Variants in METTL16 observed in about 807,000 individuals in gnomAD.
METTL16 encodes methyltransferase 16, RNA N6-adenosine, also known as RNA N(6)-adenosine-methyltransferase METTL16.
Under a neutral mutation model 57.9 loss-of-function variants are expected in METTL16, and 19 were observed. That is an observed-to-expected ratio of 0.33 (90% CI 0.23 to 0.48). The LOEUF (loss-of-function observed/expected upper bound fraction) is 0.48, where lower values mean the gene tolerates loss of function less well. Ranked by LOEUF, METTL16 falls within the 20% of genes least tolerant of loss-of-function variation. METTL16 has a pLI of 0.99. For missense variants in METTL16, 434 were observed against 691.5 expected (o/e 0.63, Z 4.18); for synonymous variants, 246 against 255.6 (o/e 0.96, Z 0.36).
intron 1 of METTL16, among the ~76,000 whole-genome samples, chr17:2,508,280 A>G (rs1029437500): frequency 1.1e-4 from 17 of 152,246 alleles, no homozygotes; most frequent in Admixed American, 6.5e-4. Context: ...TGGAAATTAA[A>G]CCAATTTCAG....
At chr17:2,471,514 G>T (rs759483142) in intron 4 of METTL16, among the ~76,000 whole-genome samples, 1 of 152,148 alleles carries the variant, frequency 6.6e-6, no homozygotes, top group East Asian at 1.9e-4. Context: ...CAATGGCCAG[G>T]TGCAGTGGCT....
chr17:2,488,817 T>G (rs1470651489), intron 2 of METTL16, among the ~76,000 whole-genome samples: 1 of 152,208 alleles, frequency 6.6e-6, no homozygotes, highest in Admixed American at 6.5e-5. Context: ...CATTCTACGT[T>G]GCGTTTCTCA....
intron 1 of METTL16, among the ~76,000 whole-genome samples, chr17:2,504,857 C>G (rs2067518548): frequency 6.6e-6 from 1 of 152,198 alleles, no homozygotes; most frequent in Non-Finnish European, 1.5e-5. Flanking sequence ...CAGACATGAA[C>G]CATCACACCC....
At chr17:2,451,842 C>A (rs916780126) in intron 6 of METTL16, among the ~76,000 whole-genome samples, 1 of 151,884 alleles carries the variant, frequency 6.6e-6, no homozygotes, top group Non-Finnish European at 1.5e-5. Flanking sequence ...AGAAGCGGCA[C>A]AGAACAACAA....
At chr17:2,505,588 G>C (rs999299589) in intron 1 of METTL16, among the ~76,000 whole-genome samples, 1 of 151,562 alleles carries the variant, frequency 6.6e-6, no homozygotes, top group Non-Finnish European at 1.5e-5. Context: ...TTTCCTTAGA[G>C]ACTACATTGC....
chr17:2,464,539 C>G (rs2067176557), intron 5 of METTL16, among the ~76,000 whole-genome samples, 189 bp from the exon 6 acceptor site: 1 of 152,176 alleles, frequency 6.6e-6, no homozygotes, highest in African/African-American at 2.4e-5. Flanking sequence ...GCAACTATTT[C>G]TTCCCAGGTC....
At position 2,505,395 on chromosome 17, in the gene METTL16, A is replaced by AT. The variant is rs564797281; in HGVS notation, c.1-3065dup. Among the ~76,000 whole-genome samples, 16 of 50,590 alleles carry AT rather than the reference A, an allele frequency of 3.2e-4. 2 individuals carry two copies. Among genetic ancestry groups the AT allele is most frequent in the East Asian group, 1.5e-3 (3 of 1,978 alleles). The allele number at this position is 50,590 out of a possible 152,430, so 33.2% of individuals were successfully genotyped here. A position where few individuals can be genotyped will look rare whatever the true frequency, so the allele number is the denominator to read the frequency against. On this transcript the variant is annotated intron_variant, in intron 1 of 9. Coordinates refer to ENST00000263092, the MANE Select transcript of METTL16 (RefSeq NM_024086.4). ...CCCCAACAATGTCAAGCCCAGAGGC[A>AT]TTTTTTTTTTTTTTTTTTTTTTTTT...
chr17:2,462,031 A>C (rs1471189876), intron 6 of METTL16, among the ~76,000 whole-genome samples: 2 of 152,216 alleles, frequency 1.3e-5, no homozygotes, highest in Non-Finnish European at 2.9e-5. Context: ...TCTCCAGGAG[A>C]TATTTATATA....
At chr17:2,472,413 A>G (rs2067241329) in intron 4 of METTL16, among the ~76,000 whole-genome samples, 1 of 152,134 alleles carries the variant, frequency 6.6e-6, no homozygotes, top group Non-Finnish European at 1.5e-5. Context: ...TACTATTACC[A>G]TACCATCCAG....
In METTL16 at chr17:2,419,819, G is replaced by T; in HGVS notation, c.*151C>A. On this transcript the variant is annotated 3_prime_UTR_variant, in exon 10 of 10. Coordinates refer to ENST00000263092, the MANE Select transcript of METTL16 (RefSeq NM_024086.4). Reference sequence around the variant, plus strand: ...ACTCAAAAAGCGGGAAGGAGGCGGGGGGAGGTGGGGGACAGATTCATAGGT... The same window carrying T: ...ACTCAAAAAGCGGGAAGGAGGCGGGTGGAGGTGGGGGACAGATTCATAGGT... The T allele has an allele frequency of 1.1e-6, 1 of 907,560 alleles. No homozygotes were observed. The highest frequency in any genetic ancestry group is 1.7e-6 in the Non-Finnish European group (1 of 577,198). 56.2% of individuals were successfully genotyped at this position (907,560 alleles called of 1,614,324 possible). A position where few individuals can be genotyped will look rare whatever the true frequency, so the allele number is the denominator to read the frequency against.
At chr17:2,481,504 G>C (rs2067306255) in intron 2 of METTL16, among the ~76,000 whole-genome samples, 1 of 152,102 alleles carries the variant, frequency 6.6e-6, no homozygotes, top group Non-Finnish European at 1.5e-5. Context: ...ACAAAATTCA[G>C]GAAGGAGAGA....
At chr17:2,433,681 G>A (rs1220340797) in intron 8 of METTL16, among the ~76,000 whole-genome samples, 1 of 152,178 alleles carries the variant, frequency 6.6e-6, no homozygotes, top group African/African-American at 2.4e-5. Flanking sequence ...AGACTATAAT[G>A]TATGTGAAGT....
chr17:2,447,908 T>G (rs1597448437), intron 6 of METTL16, among the ~76,000 whole-genome samples: 1 of 69,796 alleles, frequency 1.4e-5, no homozygotes, highest in Non-Finnish European at 2.6e-5. Context: ...GTGGGGGGGG[T>G]CAGCCCCCCG....
chr17:2,419,944 C>T lies in METTL16; in HGVS notation c.*26G>A. 1 of 1,609,636 alleles carries T rather than the reference C, an allele frequency of 6.2e-7. No individual in the cohort carries two copies. Among genetic ancestry groups the T allele is most frequent in the Non-Finnish European group, 8.5e-7 (1 of 1,177,020 alleles). On this transcript the variant is annotated 3_prime_UTR_variant, in exon 10 of 10. Coordinates refer to ENST00000263092, the MANE Select transcript of METTL16 (RefSeq NM_024086.4). ...CCACTCCAAAGCAAGTTACTATCAA[C>T]ACGTTTCCAACTGTGCAGGAGGTTT...
At chr17:2,442,178 T>A (rs1026178629) in intron 6 of METTL16, among the ~76,000 whole-genome samples, 1 of 152,218 alleles carries the variant, frequency 6.6e-6, no homozygotes, top group Non-Finnish European at 1.5e-5. Context: ...CATGAAAGAT[T>A]AGTTACTATG....
rs543347467 is a variant in METTL16 at position 2,420,528 on chromosome 17, G to A, written c.1131C>T (p.Ser377=). Residue 377 remains serine, a synonymous_variant, in exon 10 of 10, where the codon TCC becomes TCT. Coordinates refer to ENST00000263092, the MANE Select transcript of METTL16 (RefSeq NM_024086.4). This position sits in a 1 kb window ranked among gnomAD's most constrained non-coding sequence, Gnocchi z 5.4. ...TTTTCTTTCTCCTTAAATGAATCCA[G>A]GAGTTTTCTATGGCCGTTAGGAAAA... ...VSLFLTAIEN[S]WIHLRRKKRE... is the part of the protein sequence containing the mutation. 1 of 1,613,808 alleles carries A rather than the reference G, an allele frequency of 6.2e-7. No individual in the cohort carries two copies. Among genetic ancestry groups the A allele is most frequent in the East Asian group, 2.2e-5 (1 of 44,890 alleles).
Position 2,420,516 on chromosome 17 carries a change from T to G in METTL16, c.1143A>C (p.Leu381Phe). ...LTAIENSWIH[L>F]RRKKRERVRQ... ...TCACACGCTCTCTTTTCTTTCTCCT[T>G]AAATGAATCCAGGAGTTTTCTATGG... The change falls in exon 10 of 10, where the codon TTA becomes TTC. Residue 381 changes from leucine to phenylalanine, a missense_variant. By Grantham distance (22) the Leu-to-Phe change is conservative. Around this residue, in one of 5 missense-constraint regions of METTL16, gnomAD observed 26 missense variants for 63.0 expected, o/e 0.41. Coordinates refer to ENST00000263092, the MANE Select transcript of METTL16 (RefSeq NM_024086.4). This position sits in a 1 kb window ranked among gnomAD's most constrained non-coding sequence, Gnocchi z 5.4. The G allele has an allele frequency of 6.2e-7, 1 of 1,613,970 alleles. No homozygotes were observed. The highest frequency in any genetic ancestry group is 1.1e-5 in the South Asian group (1 of 91,088).
At chr17:2,498,960 C>T (rs1283825037) in intron 2 of METTL16, among the ~76,000 whole-genome samples, 1 of 151,704 alleles carries the variant, frequency 6.6e-6, no homozygotes, top group Non-Finnish European at 1.5e-5. Flanking sequence ...TTTGCACATG[C>T]TGCTGCCTCT....
rs2067212005 is a variant in METTL16, at chr17:2,467,775, G to A, written c.571C>T (p.Gln191Ter). Reference protein sequence around the residue: ...CMCNPPFFANQLEAKGVNSRN... With the variant: ...CMCNPPFFAN ...AGACATTTTACCTTGGCTTCCAATT[G>A]ATTGGCAAAAAAGGGAGGGTTGCAC... Residue 191 changes from glutamine (Q) to a stop codon, truncating the protein, a stop_gained, in exon 5 of 10, where the codon CAA becomes TAA. Transcript: ENST00000263092. LOFTEE classifies it high-confidence loss of function. The A allele has an allele frequency of 6.2e-7, 1 of 1,613,286 alleles. No homozygotes were observed. Among genetic ancestry groups the A allele is most frequent in the Non-Finnish European group, 8.5e-7 (1 of 1,179,380 alleles).
Sources: allele counts gnomAD v4.1 joint callset (sites outside exome capture counted in the v4.1 genomes callset), GRCh38; gene constraint gnomAD v4.1.1; regional missense constraint gnomAD v4.1.1; non-coding constraint Gnocchi (gnomAD v3.1); transcripts MANE v1.5; gene names NCBI Gene and HGNC (gene_info 2026-07-23, HGNC 2026-07-21).